The following SDCCAG8 variants were observed in gnomAD, a reference collection of about 807,000 sequenced individuals.
SDCCAG8 encodes serologically defined colon cancer antigen 8.
In SDCCAG8, 74 loss-of-function variants were observed where a neutral mutation model predicts 101.8. The ratio of observed to expected loss-of-function variants is 0.73; its 90% CI spans 0.60 to 0.88. SDCCAG8 has a LOEUF of 0.88. SDCCAG8 is among the 40% of genes least tolerant of loss of function. SDCCAG8 has a pLI of 0.00. For synonymous variants in SDCCAG8, 281 were observed against 292.9 expected, an observed-to-expected ratio of 0.96 and a Z score of 0.41; for missense variants, 787 against 822.6, an observed-to-expected ratio of 0.96 and a Z score of 0.53.
At chr1:243,280,440 T>G in intron 4 of SDCCAG8, among the ~76,000 whole-genome samples, 1 of 152,258 alleles carries the variant, frequency 6.6e-6, no homozygotes, top group African/African-American at 2.4e-5. Context: ...TTCATTGATT[T>G]TTACTCTAAT....
At chr1:243,425,705 G>A (rs773705760) in intron 15 of SDCCAG8, among the ~76,000 whole-genome samples, 5 of 152,104 alleles carry the variant, frequency 3.3e-5, no homozygotes, top group Non-Finnish European at 7.4e-5. Context: ...AATTTTTCTT[G>A]GATAAACATC....
chr1:243,322,258 C>T (rs114145179), intron 9 of SDCCAG8, among the ~76,000 whole-genome samples: 2,648 of 152,252 alleles, frequency 0.017, 100 homozygotes, highest in African/African-American at 0.061. Context: ...CCTCGTTCTG[C>T]GGCAAGATCA....
intron 4 of SDCCAG8, among the ~76,000 whole-genome samples, chr1:243,275,557 C>T (rs2068469476): frequency 6.6e-6 from 1 of 152,212 alleles, no homozygotes; most frequent in Non-Finnish European, 1.5e-5. Context: ...TATTAATATA[C>T]ACGTGGTCCT....
intron 12 of SDCCAG8, among the ~76,000 whole-genome samples, chr1:243,351,226 C>G (rs1573495730): frequency 6.6e-6 from 1 of 152,154 alleles, no homozygotes; most frequent in East Asian, 1.9e-4. Flanking sequence ...CAGAGTTGCT[C>G]TCCAGTATTC....
At chr1:243,347,260 AC>A (rs1018700846) in intron 12 of SDCCAG8, among the ~76,000 whole-genome samples, 1 of 152,198 alleles carries the variant, frequency 6.6e-6, no homozygotes, top group Non-Finnish European at 1.5e-5. Context: ...ACTCATAAAT[AC>A]CCATGTGGAT....
chr1:243,256,774 G>C (rs962847767), intron 1 of SDCCAG8, among the ~76,000 whole-genome samples: 8 of 152,222 alleles, frequency 5.3e-5, no homozygotes, highest in African/African-American at 1.9e-4. Context: ...GAAGCTCAGA[G>C]AGGTTGAATT....
chr1:243,477,018 A>ACACACG (rs1553374861), intron 16 of SDCCAG8, among the ~76,000 whole-genome samples: 5 of 143,936 alleles, frequency 3.5e-5, no homozygotes, highest in African/African-American at 8.2e-5. Flanking sequence ...ACACACACAC[A>ACACACG]CACACACACA....
intron 15 of SDCCAG8, among the ~76,000 whole-genome samples, chr1:243,418,369 TAAATC>T (rs1275012908): frequency 6.6e-6 from 1 of 152,208 alleles, no homozygotes; most frequent in African/African-American, 2.4e-5. Context: ...AACATGCAGA[TAAATC>T]AAGCAGTTAT....
At chr1:243,498,905 G>A (rs1023885251) in intron 17 of SDCCAG8, among the ~76,000 whole-genome samples, 5 of 152,232 alleles carry the variant, frequency 3.3e-5, no homozygotes, top group African/African-American at 9.6e-5. Context: ...CGTAGAAACC[G>A]GGATTTGGAA....
chr1:243,269,662 G>A (rs949779163), intron 1 of SDCCAG8, among the ~76,000 whole-genome samples: 2 of 152,114 alleles, frequency 1.3e-5, no homozygotes, highest in Non-Finnish European at 2.9e-5. Context: ...GCTTCCCTAG[G>A]TTGGAACTGG....
At chr1:243,322,919 G>A (rs1194577411) in intron 9 of SDCCAG8, among the ~76,000 whole-genome samples, 1 of 151,728 alleles carries the variant, frequency 6.6e-6, no homozygotes, top group African/African-American at 2.4e-5. Flanking sequence ...GGCAGATCAC[G>A]AGGTCAAGAG....
rs183321670 is a variant in SDCCAG8 at position 243,348,393 on chromosome 1, G to C, written c.1473+4062G>C. Among the ~76,000 whole-genome samples, 156 of 151,916 alleles carry C rather than the reference G, an allele frequency of 1.0e-3. 1 individual carries two copies. Among genetic ancestry groups the C allele is most frequent in the African/African-American group, 3.4e-3 (142 of 41,438 alleles). ...CTCCCTGTCCAGCTCTAAGATGGCA[G>C]GGATGGGCACACTTGACTCAATCCT... On this transcript the variant is annotated intron_variant, in intron 12 of 17. Transcript: ENST00000366541.
At chr1:243,326,088 T>C (rs529111001) in intron 9 of SDCCAG8, among the ~76,000 whole-genome samples, 2 of 152,206 alleles carry the variant, frequency 1.3e-5, no homozygotes, top group South Asian at 2.1e-4. Context: ...CATAAGCATA[T>C]CTGTAATGAT....
chr1:243,369,706 G>A (rs904269993), intron 12 of SDCCAG8, among the ~76,000 whole-genome samples: 1 of 152,056 alleles, frequency 6.6e-6, no homozygotes, highest in Non-Finnish European at 1.5e-5. Flanking sequence ...CTTCTGAAGT[G>A]GTAGGTTTTT....
intron 11 of SDCCAG8, among the ~76,000 whole-genome samples, chr1:243,342,663 TG>T (rs1179597463): frequency 6.6e-6 from 1 of 152,174 alleles, no homozygotes; most frequent in Non-Finnish European, 1.5e-5. Flanking sequence ...AGTGAACAAT[TG>T]AGAAAGAAAA....
At position 243,256,251 on chromosome 1, in the gene SDCCAG8, C is replaced by T. The variant is rs1558186853; in HGVS notation, c.67+11C>T. On this transcript the variant is annotated intron_variant, in intron 1 of 17. Coordinates refer to ENST00000366541, the MANE Select transcript of SDCCAG8 (RefSeq NM_006642.5). Reference sequence around the variant, plus strand: ...AACGGAGTCTCCGGGGTGAGTTGCTCCAAACCTCTGTCCCTAGCCCCGAGG... The same window carrying T: ...AACGGAGTCTCCGGGGTGAGTTGCTTCAAACCTCTGTCCCTAGCCCCGAGG... The T allele has an allele frequency of 6.2e-7, 1 of 1,613,516 alleles. No individual in the cohort carries two copies. Among genetic ancestry groups the T allele is most frequent in the Non-Finnish European group, 8.5e-7 (1 of 1,179,400 alleles).
chr1:243,360,831 C>T (rs1361033967), intron 12 of SDCCAG8, among the ~76,000 whole-genome samples: 6 of 151,772 alleles, frequency 4.0e-5, no homozygotes, highest in African/African-American at 1.5e-4. Context: ...CAAAACAAAA[C>T]AAAACAAAAC....
intron 4 of SDCCAG8, among the ~76,000 whole-genome samples, 199 bp downstream of exon 4, chr1:243,274,855 T>C (rs572853099): frequency 1.4e-4 from 21 of 152,340 alleles, no homozygotes; most frequent in African/African-American, 4.8e-4. Context: ...CCATTTCTGA[T>C]TGCTTGATTT....
At chr1:243,429,695 ATTTTTTTTT>A (rs796450909) in intron 16 of SDCCAG8, among the ~76,000 whole-genome samples, 8 of 92,938 alleles carry the variant, frequency 8.6e-5, no homozygotes, top group Admixed American at 2.7e-4. Flanking sequence ...TGCTCTGCTA[ATTTTTTTTT>A]TTTTTTTTTT....
Sources: gnomAD v4.1 joint callset for allele counts (sites outside exome capture counted in the v4.1 genomes callset) on GRCh38, gnomAD v4.1.1 for gene constraint, MANE v1.5 for transcripts, NCBI Gene and HGNC (gene_info 2026-07-23, HGNC 2026-07-21) for gene names.